The following STARD13 variants were observed in gnomAD, a reference collection of about 807,000 sequenced individuals.
STARD13 encodes the protein StAR related lipid transfer domain containing 13, also known as stAR-related lipid transfer protein 13.
A neutral mutation model predicts 106.4 loss-of-function variants in STARD13; 62 were observed. That is an observed-to-expected ratio of 0.58 (90% CI 0.48 to 0.72). The LOEUF (loss-of-function observed/expected upper bound fraction) is 0.72, where lower values mean the gene tolerates loss of function less well. Among genes scored for constraint, STARD13 ranks in the 30% least tolerant of loss-of-function variants. The probability of loss-of-function intolerance (pLI) is 0.00; values close to 1 mark genes in which losing one functional copy is unlikely to be tolerated. For missense variants in STARD13, 1,387 were observed against 1,424.0 expected (o/e 0.97, Z 0.42); for synonymous variants, 565 against 553.0 (o/e 1.02, Z -0.31).
At chr13:33,123,196 A>G (rs1876636800) in intron 7 of STARD13, among the ~76,000 whole-genome samples, 1 of 152,150 alleles carries the variant, frequency 6.6e-6, no homozygotes, top group Admixed American at 6.5e-5. Context: ...TGTACTGAGT[A>G]CTAAGAGTCT....
At chr13:33,385,648 TCA>T in the STARD13 span, among the ~76,000 whole-genome samples, 3 of 151,000 alleles carry the variant, frequency 2.0e-5, no homozygotes, top group Non-Finnish European at 4.4e-5. Flanking sequence ...TCACCTGAGG[TCA>T]GGAGTTTGTG....
the STARD13 span, among the ~76,000 whole-genome samples, chr13:33,649,169 A>G: frequency 6.6e-6 from 1 of 152,182 alleles, no homozygotes; most frequent in Admixed American, 6.5e-5. Context: ...AGTCCAGATA[A>G]TTAGCAAAAT....
At chr13:33,576,626 A>G in the STARD13 span, among the ~76,000 whole-genome samples, 1 of 152,194 alleles carries the variant, frequency 6.6e-6, no homozygotes, top group Non-Finnish European at 1.5e-5. Flanking sequence ...ACCACATATC[A>G]GTCATCCACA....
At chr13:33,671,758 A>T in the STARD13 span, among the ~76,000 whole-genome samples, 8 of 152,128 alleles carry the variant, frequency 5.3e-5, no homozygotes, top group African/African-American at 1.9e-4. Context: ...CAATTAAATA[A>T]TTAAATAAAT....
chr13:33,159,505 T>G (rs190176532), intron 3 of STARD13, among the ~76,000 whole-genome samples: 207 of 152,334 alleles, frequency 1.4e-3, no homozygotes, highest in African/African-American at 4.7e-3. Flanking sequence ...TAGAACTGCA[T>G]AATCAGAGAC....
intron 1 of STARD13, among the ~76,000 whole-genome samples, chr13:33,182,211 C>T (rs1021924773): frequency 5.3e-5 from 8 of 152,144 alleles, no homozygotes; most frequent in Admixed American, 5.2e-4. Context: ...CTATGCTTTC[C>T]TATTCAGAAT....
At chr13:33,165,053 C>T (rs967874367) in intron 3 of STARD13, among the ~76,000 whole-genome samples, 3 of 152,060 alleles carry the variant, frequency 2.0e-5, no homozygotes, top group Non-Finnish European at 4.4e-5. Flanking sequence ...CTGAAATAAA[C>T]TTTCCCCCTC....
At chr13:33,393,284 G>A in the STARD13 span, among the ~76,000 whole-genome samples, 5 of 152,152 alleles carry the variant, frequency 3.3e-5, no homozygotes, top group African/African-American at 9.7e-5. Context: ...GCATTCCTGG[G>A]AAGCAGGAAT....
the STARD13 span, among the ~76,000 whole-genome samples, chr13:33,656,311 C>T: frequency 9.4e-3 from 1,421 of 151,694 alleles, 23 homozygotes; most frequent in African/African-American, 0.033. Context: ...AAAGAGAAGA[C>T]GGAATGGAAG....
chr13:33,353,777 C>T (rs1173452404), upstream of STARD13, among the ~76,000 whole-genome samples: 4 of 152,182 alleles, frequency 2.6e-5, no homozygotes, highest in Non-Finnish European at 5.9e-5. Flanking sequence ...CTCCTTCTCA[C>T]GGCATCCAGT....
the STARD13 span, among the ~76,000 whole-genome samples, chr13:33,636,943 G>A: frequency 0.084 from 12,821 of 152,106 alleles, 1,782 homozygotes; most frequent in African/African-American, 0.29. Context: ...TAATGTCAGT[G>A]GTGTTATCTT....
intron 8 of STARD13, 105 bp from the exon 9 acceptor site, chr13:33,113,036 GTCA>G: frequency 1.3e-6 from 1 of 798,676 alleles, no homozygotes; most frequent in Non-Finnish European, 1.9e-6. Flanking sequence ...CGCACCCAGA[GTCA>G]TCATCAACAA....
At chr13:33,535,527 A>G in the STARD13 span, among the ~76,000 whole-genome samples, 3 of 152,312 alleles carry the variant, frequency 2.0e-5, no homozygotes, top group African/African-American at 7.2e-5. Flanking sequence ...AACTTCCAGG[A>G]GCAGATGAGA....
intron 1 of STARD13, among the ~76,000 whole-genome samples, chr13:33,251,041 A>G (rs1323833497): frequency 6.6e-6 from 1 of 152,240 alleles, no homozygotes; most frequent in Non-Finnish European, 1.5e-5. Flanking sequence ...TAGAGGAAGA[A>G]GAGAGAACAA....
the STARD13 span, among the ~76,000 whole-genome samples, chr13:33,362,207 C>T: frequency 6.6e-6 from 1 of 152,030 alleles, no homozygotes; most frequent in Admixed American, 6.6e-5. Flanking sequence ...AGGAAGCTTA[C>T]AATCATGGTG....
chr13:33,235,398 C>A (rs1013053912), intron 1 of STARD13, among the ~76,000 whole-genome samples: 2 of 152,162 alleles, frequency 1.3e-5, no homozygotes, highest in African/African-American at 4.8e-5. Flanking sequence ...ATCTGATTCC[C>A]AGGTTTGAGA....
the STARD13 span, among the ~76,000 whole-genome samples, chr13:33,574,952 CT>C: frequency 3.0e-5 from 4 of 133,242 alleles, no homozygotes; most frequent in East Asian, 7.0e-4. Context: ...GAGTCTCACT[CT>C]TTTGCCCAGC....
chr13:33,516,964 A>T, the STARD13 span, among the ~76,000 whole-genome samples: 3 of 150,714 alleles, frequency 2.0e-5, no homozygotes, highest in African/African-American at 7.3e-5. Flanking sequence ...AAAAGGAGGG[A>T]GAAGAAAAAA....
the STARD13 span, among the ~76,000 whole-genome samples, chr13:33,623,293 C>T: frequency 6.6e-6 from 1 of 151,730 alleles, no homozygotes; most frequent in East Asian, 1.9e-4. Flanking sequence ...GAGACCCCAA[C>T]ATAAAACTTA....
Sources: allele counts gnomAD v4.1 joint callset (sites outside exome capture counted in the v4.1 genomes callset), GRCh38; gene constraint gnomAD v4.1.1; transcripts MANE v1.5; gene names NCBI Gene and HGNC (gene_info 2026-07-23, HGNC 2026-07-21).